ZDHHC14: variants seen among roughly 807,000 people sequenced by gnomAD.
ZDHHC14 encodes the protein zDHHC palmitoyltransferase 14, also known as palmitoyltransferase ZDHHC14.
In ZDHHC14, 16 loss-of-function variants were observed where a neutral mutation model predicts 47.7. The ratio of observed to expected loss-of-function variants is 0.34; its 90% CI spans 0.23 to 0.51. The LOEUF is 0.51. ZDHHC14 is among the 20% of genes least tolerant of loss of function. The pLI is 0.97. For missense variants in ZDHHC14, 515 were observed against 662.5 expected, an observed-to-expected ratio of 0.78 and a Z score of 2.44; for synonymous variants, 293 against 278.9, an observed-to-expected ratio of 1.05 and a Z score of -0.50.
chr6:157,562,429 T>C (rs1782745632), intron 2 of ZDHHC14, among the ~76,000 whole-genome samples: 1 of 152,192 alleles, frequency 6.6e-6, no homozygotes, highest in African/African-American at 2.4e-5. Flanking sequence ...CTTGTTCCGC[T>C]GTCCCTGGCT....
chr6:157,514,669 G>A (rs539234264), intron 1 of ZDHHC14, among the ~76,000 whole-genome samples: 3 of 152,190 alleles, frequency 2.0e-5, no homozygotes, highest in Admixed American at 1.3e-4. Flanking sequence ...CCCTTATTCC[G>A]GTTGTTGTTT....
chr6:157,577,836 C>T (rs1323474907), intron 2 of ZDHHC14, among the ~76,000 whole-genome samples: 3 of 152,236 alleles, frequency 2.0e-5, no homozygotes, highest in Non-Finnish European at 4.4e-5. Context: ...CAGGCGTGAG[C>T]CACAGCAGCC....
chr6:157,583,184 T>G (rs1265602498), intron 2 of ZDHHC14, among the ~76,000 whole-genome samples: 1 of 152,116 alleles, frequency 6.6e-6, no homozygotes, highest in African/African-American at 2.4e-5. Context: ...CTCAATCATC[T>G]TTTTTGCTAT....
chr6:157,540,908 GTGTA>G (rs1554264581), intron 1 of ZDHHC14, among the ~76,000 whole-genome samples: 10 of 131,522 alleles, frequency 7.6e-5, no homozygotes, highest in East Asian at 3.9e-4. Flanking sequence ...GTGTGTGTGT[GTGTA>G]TATATATATA....
Position 157,672,889 on chromosome 6 carries a change from C to T in ZDHHC14, c.1234C>T (p.Pro412Ser), listed in dbSNP as rs759123895. Residue 412 changes from proline (P) to serine (S), a missense_variant, in exon 9 of 9, where the codon CCC (proline) becomes TCC (serine). Around this residue, in one of 4 missense-constraint regions of ZDHHC14, gnomAD observed 221 missense variants for 233.6 expected, o/e 0.95. Coordinates refer to ENST00000359775, the MANE Select transcript of ZDHHC14 (RefSeq NM_024630.3). ...CCTCACACTGGGCCCGCCCACACCGCCCGCCTCCATGCCCAACCTCGCCGA... is the reference window on the plus strand; with the variant it reads ...CCTCACACTGGGCCCGCCCACACCGTCCGCCTCCATGCCCAACCTCGCCGA... Reference protein sequence around the residue: ...ASLTLGPPTPPASMPNLAEAT... With the variant: ...ASLTLGPPTPSASMPNLAEAT... 6.2e-7 allele frequency: 1 copy of T among 1,606,512 alleles called. No homozygotes were observed. Among genetic ancestry groups the T allele is most frequent in the Non-Finnish European group, 8.5e-7 (1 of 1,177,728 alleles).
In ZDHHC14 at chr6:157,381,589, G is replaced by GCCGCCTCGTGTCCC. The variant is rs1341321236; in HGVS notation, c.-431_-418dup. 2 of 395,994 alleles carry GCCGCCTCGTGTCCC rather than the reference G, an allele frequency of 5.1e-6. No individual in the cohort carries two copies. The highest frequency in any genetic ancestry group is 1.0e-5 in the Non-Finnish European group (2 of 198,196). 24.5% of individuals were successfully genotyped at this position (395,994 alleles called of 1,614,324 possible). Reference sequence around the variant, plus strand: ...TCCCGAGGAAGCCGGCGCCGGGGCCGCCGCCTCGTGTCCCCTCGGGGCGCA... The same window carrying GCCGCCTCGTGTCCC: ...TCCCGAGGAAGCCGGCGCCGGGGCCGCCGCCTCGTGTCCCCCGCCTCGTGTCCCCTCGGGGCGCA... On this transcript the variant is annotated 5_prime_UTR_variant, in exon 1 of 9. Coordinates refer to ENST00000359775, the MANE Select transcript of ZDHHC14 (RefSeq NM_024630.3).
chr6:157,530,112 A>G (rs1781310552), intron 1 of ZDHHC14, among the ~76,000 whole-genome samples: 5 of 152,260 alleles, frequency 3.3e-5, no homozygotes, highest in South Asian at 4.1e-4. Flanking sequence ...CAGTCTTACT[A>G]TCTGGCTGCC....
At chr6:157,608,228 G>A (rs1039411797) in intron 3 of ZDHHC14, among the ~76,000 whole-genome samples, 16 of 152,182 alleles carry the variant, frequency 1.1e-4, no homozygotes, top group Admixed American at 6.5e-4. Flanking sequence ...CGAGAAGCAC[G>A]TCATTCATTC....
At chr6:157,528,858 G>A (rs1781265424) in intron 1 of ZDHHC14, among the ~76,000 whole-genome samples, 1 of 149,340 alleles carries the variant, frequency 6.7e-6, no homozygotes. Context: ...GTGGGAGTGG[G>A]CATTAATTAA....
intron 5 of ZDHHC14, among the ~76,000 whole-genome samples, chr6:157,640,267 T>G (rs1163320038): frequency 1.3e-5 from 2 of 152,180 alleles, no homozygotes; most frequent in Non-Finnish European, 2.9e-5. Context: ...TGTGGAGAGT[T>G]TTTTGTGGTT....
intron 1 of ZDHHC14, among the ~76,000 whole-genome samples, chr6:157,499,346 G>C (rs1205907705): frequency 1.3e-5 from 2 of 152,092 alleles, no homozygotes; most frequent in Non-Finnish European, 2.9e-5. Context: ...CTGGTTTGCG[G>C]GTGGTGCCTT....
intron 1 of ZDHHC14, among the ~76,000 whole-genome samples, chr6:157,539,068 G>A (rs903118563): frequency 6.6e-6 from 1 of 152,100 alleles, no homozygotes; most frequent in African/African-American, 2.4e-5. Context: ...AGCTGGCGGT[G>A]GTGGTTGGGA....
intron 1 of ZDHHC14, among the ~76,000 whole-genome samples, chr6:157,452,624 A>G (rs934063932): frequency 1.3e-5 from 2 of 149,710 alleles, no homozygotes; most frequent in African/African-American, 4.9e-5. Context: ...TGGAACTTAG[A>G]TTTTATAACC....
chr6:157,661,261 G>T (rs1433944555), intron 8 of ZDHHC14, among the ~76,000 whole-genome samples: 10 of 152,150 alleles, frequency 6.6e-5, no homozygotes, highest in African/African-American at 2.4e-4. Context: ...TTGGAGAAAT[G>T]GTCTGGTTGG....
chr6:157,452,027 C>A (rs998605753), intron 1 of ZDHHC14, among the ~76,000 whole-genome samples: 11 of 152,108 alleles, frequency 7.2e-5, no homozygotes, highest in African/African-American at 2.7e-4. Flanking sequence ...TATGAATAAT[C>A]CGGAAAGATG....
intron 1 of ZDHHC14, among the ~76,000 whole-genome samples, chr6:157,426,501 G>A (rs976546103): frequency 2.6e-5 from 4 of 152,290 alleles, no homozygotes; most frequent in South Asian, 2.1e-4. Flanking sequence ...GAGCTGACTC[G>A]TTGAGTTTGA....
chr6:157,446,836 A>G (rs1473384682), intron 1 of ZDHHC14, among the ~76,000 whole-genome samples: 1 of 152,154 alleles, frequency 6.6e-6, no homozygotes, highest in African/African-American at 2.4e-5. Context: ...GCACATTTAT[A>G]GGCTGGGCCT....
rs1777212263 is a variant in ZDHHC14, at chr6:157,381,650, GC to G, written c.-370del. ...GTCGGCGGGCCAGAGCCGAGGCGCGGCCGGGGAGCCGGGGGCTGCGGGGCCG... is the reference window on the plus strand; with the variant it reads ...GTCGGCGGGCCAGAGCCGAGGCGCGGCGGGGAGCCGGGGGCTGCGGGGCCG... On this transcript the variant is annotated 5_prime_UTR_variant, in exon 1 of 9. Coordinates refer to ENST00000359775, the MANE Select transcript of ZDHHC14 (RefSeq NM_024630.3). 1 of 153,646 alleles carries G rather than the reference GC, an allele frequency of 6.5e-6. No homozygotes were observed. The highest frequency in any genetic ancestry group is 2.4e-5 in the African/African-American group (1 of 40,840). 9.5% of individuals were successfully genotyped at this position (153,646 alleles called of 1,614,324 possible). A position where few individuals can be genotyped will look rare whatever the true frequency, so the allele number is the denominator to read the frequency against.
At chr6:157,510,692 A>C (rs912825990) in intron 1 of ZDHHC14, among the ~76,000 whole-genome samples, 3 of 152,202 alleles carry the variant, frequency 2.0e-5, no homozygotes, top group Non-Finnish European at 4.4e-5. Context: ...GCAAATGCAG[A>C]GCTCTGGTGG....
Sources: allele counts gnomAD v4.1 joint callset (sites outside exome capture counted in the v4.1 genomes callset), GRCh38; gene constraint gnomAD v4.1.1; regional missense constraint gnomAD v4.1.1; transcripts MANE v1.5; gene names NCBI Gene and HGNC (gene_info 2026-07-23, HGNC 2026-07-21).